PMPCB: variants seen among roughly 807,000 people sequenced by gnomAD.
PMPCB encodes the protein peptidase, mitochondrial processing subunit beta, also known as mitochondrial-processing peptidase subunit beta.
Under a neutral mutation model 61.5 loss-of-function variants are expected in PMPCB, and 46 were observed. The ratio of observed to expected loss-of-function variants is 0.75; its 90% CI spans 0.59 to 0.96. The LOEUF (loss-of-function observed/expected upper bound fraction) is 0.96. Among genes scored for constraint, PMPCB ranks in the 40% least tolerant of loss-of-function variants. The pLI is 0.00. For synonymous variants in PMPCB, 191 were observed against 201.6 expected (o/e 0.95, Z 0.44); for missense variants, 590 against 602.4 (o/e 0.98, Z 0.22).
intron 6 of PMPCB, among the ~76,000 whole-genome samples, chr7:103,305,435 A>G (rs1817550325): frequency 6.6e-6 from 1 of 152,146 alleles, no homozygotes; most frequent in Non-Finnish European, 1.5e-5. Context: ...ATACATTTAT[A>G]GAAATAGAGA....
chr7:103,321,529 TAAATAAAA>T (rs1563460664), intron 12 of PMPCB, among the ~76,000 whole-genome samples: 1 of 149,648 alleles, frequency 6.7e-6, no homozygotes, highest in Non-Finnish European at 1.5e-5. Flanking sequence ...AATAAATAAA[TAAATAAAA>T]ATAATTTTTT....
intron 12 of PMPCB, chr7:103,326,604 T>TA: frequency 6.2e-7 from 1 of 1,613,082 alleles, no homozygotes; most frequent in Non-Finnish European, 8.5e-7. Context: ...GCTTCACTTT[T>TA]AGAAGGAACT....
the PMPCB span, chr7:103,337,288 A>C: frequency 6.5e-6 from 1 of 153,458 alleles, no homozygotes; most frequent in Non-Finnish European, 1.4e-5. Flanking sequence ...TGAAAACAAC[A>C]ATAAAACATC....
intron 1 of PMPCB, chr7:103,297,896 T>C: frequency 3.7e-6 from 5 of 1,351,892 alleles, no homozygotes; most frequent in Admixed American, 2.5e-5. Flanking sequence ...GTTCTATTTT[T>C]GCCTAAGACT....
At chr7:103,299,329 G>T in intron 2 of PMPCB, 114 bp from the exon 3 acceptor site, 1 of 637,908 alleles carries the variant, frequency 1.6e-6, no homozygotes, top group Non-Finnish European at 2.7e-6. Context: ...CTCAGGTCAA[G>T]AAAATCTTAG....
intron 12 of PMPCB, among the ~76,000 whole-genome samples, chr7:103,320,515 C>T (rs557748674): frequency 1.3e-5 from 2 of 152,058 alleles, no homozygotes; most frequent in East Asian, 1.9e-4. Context: ...TGTCCCAGCA[C>T]TTTGGGAGGC....
At chr7:103,316,833 G>C, downstream of PMPCB, 1 of 1,612,976 alleles carries the variant, frequency 6.2e-7, no homozygotes, top group Non-Finnish European at 8.5e-7. Context: ...CCAGTACCTT[G>C]AATTTGTTCC....
chr7:103,300,157 T>C, intron 3 of PMPCB, 21 bp from the exon 4 acceptor site: 1 of 1,602,970 alleles, frequency 6.2e-7, no homozygotes, highest in Non-Finnish European at 8.5e-7. Flanking sequence ...GCATAATTTG[T>C]TTTTCCTCTT....
chr7:103,311,990 A>G, intron 11 of PMPCB, 66 bp from the exon 12 acceptor site: 1 of 1,558,752 alleles, frequency 6.4e-7, no homozygotes, highest in East Asian at 2.2e-5. Context: ...TTAGTTTTAA[A>G]AAGTTCCAGG....
the PMPCB span, among the ~76,000 whole-genome samples, chr7:103,345,894 G>C: frequency 6.6e-6 from 1 of 151,672 alleles, no homozygotes; most frequent in African/African-American, 2.4e-5. Flanking sequence ...GCAGTGAGCT[G>C]AGATCACACC....
intron 6 of PMPCB, among the ~76,000 whole-genome samples, chr7:103,305,074 C>T (rs886407231): frequency 2.0e-5 from 3 of 152,088 alleles, no homozygotes; most frequent in Admixed American, 6.5e-5. Context: ...GGGAGAGAGT[C>T]GGAAGATGGT....
At chr7:103,298,114 C>T (rs1817340211) in intron 1 of PMPCB, among the ~76,000 whole-genome samples, 1 of 152,060 alleles carries the variant, frequency 6.6e-6, no homozygotes, top group Admixed American at 6.5e-5. Context: ...GACCCATCTT[C>T]CTATCCTCTC....
In PMPCB at chr7:103,313,357, T is replaced by G. The variant is rs1208721535; in HGVS notation, c.*1086T>G. On this transcript the variant is annotated 3_prime_UTR_variant, in exon 13 of 13. Transcript: ENST00000249269. ...GTAAAGATCTACCTTGTACTGTTTA[T>G]CTCTTAAAAATCAATGTAATACACT... 8.7e-7 allele frequency: 1 copy of G among 1,150,990 alleles called. No individual in the cohort carries two copies. The highest frequency in any genetic ancestry group is 1.1e-6 in the Non-Finnish European group (1 of 937,612). 71.3% of individuals were successfully genotyped at this position (1,150,990 alleles called of 1,614,324 possible).
chr7:103,307,164 A>AT (rs1357726738), intron 6 of PMPCB, among the ~76,000 whole-genome samples: 1 of 152,208 alleles, frequency 6.6e-6, no homozygotes, highest in Non-Finnish European at 1.5e-5. Context: ...AAGAACTGGG[A>AT]TTATAGGCGT....
chr7:103,317,055 T>A, downstream of PMPCB: 1 of 1,540,022 alleles, frequency 6.5e-7, no homozygotes, highest in Non-Finnish European at 8.9e-7. Flanking sequence ...AAGTATACTG[T>A]ATTGCTATTC....
At chr7:103,302,381 TA>T (rs1197852647) in intron 4 of PMPCB, among the ~76,000 whole-genome samples, 1 of 151,962 alleles carries the variant, frequency 6.6e-6, no homozygotes, top group Non-Finnish European at 1.5e-5. Flanking sequence ...AATACACATT[TA>T]AAAAAAAGAT....
In PMPCB at chr7:103,312,511, T is replaced by A; in HGVS notation, c.*240T>A. ...ATTACCATGAGTATAATTTTAAGAA[T>A]GAAAATGTTTACAGTATTTTCAGTT... On this transcript the variant is annotated 3_prime_UTR_variant, in exon 13 of 13. Coordinates refer to ENST00000249269, the MANE Select transcript of PMPCB (RefSeq NM_004279.3). 1 of 1,583,802 alleles carries A rather than the reference T, an allele frequency of 6.3e-7. No homozygotes were observed.
chr7:103,317,018 C>T (rs1349315266), downstream of PMPCB: 2 of 1,610,974 alleles, frequency 1.2e-6, no homozygotes, highest in Non-Finnish European at 1.7e-6. Flanking sequence ...CTTCTATCTG[C>T]ACAAATATCA....
At position 103,313,095 on chromosome 7, in the gene PMPCB, T is replaced by C; in HGVS notation, c.*824T>C. On this transcript the variant is annotated 3_prime_UTR_variant, in exon 13 of 13. Coordinates refer to ENST00000249269, the MANE Select transcript of PMPCB (RefSeq NM_004279.3). ...TGTTGTCCAAGGGGTGAAGTCTGTATATGGACCTGATTAAGAAAAATTTTT... is the reference window on the plus strand; with the variant it reads ...TGTTGTCCAAGGGGTGAAGTCTGTACATGGACCTGATTAAGAAAAATTTTT... 6.3e-7 allele frequency: 1 copy of C among 1,598,912 alleles called. No individual in the cohort carries two copies. Among genetic ancestry groups the C allele is most frequent in the Non-Finnish European group, 8.5e-7 (1 of 1,176,268 alleles).
Sources: allele counts gnomAD v4.1 joint callset (sites outside exome capture counted in the v4.1 genomes callset), GRCh38; gene constraint gnomAD v4.1.1; transcripts MANE v1.5; gene names NCBI Gene and HGNC (gene_info 2026-07-23, HGNC 2026-07-21).